Variants in PGBD5 observed in about 807,000 individuals in gnomAD.
PGBD5 encodes the protein piggyBac transposable element-derived protein 5.
PGBD5 carries 14 observed loss-of-function variants against 47.9 expected under a neutral mutation model. That is an observed-to-expected ratio of 0.29 (90% CI 0.19 to 0.46). The LOEUF (loss-of-function observed/expected upper bound fraction) is 0.46. PGBD5 is among the 20% of genes least tolerant of loss of function. PGBD5 has a pLI of 1.00. For missense variants in PGBD5, 635 were observed against 716.0 expected (o/e 0.89, Z 1.29); for synonymous variants, 316 against 306.3 (o/e 1.03, Z -0.33).
At chr1:230,339,016 C>A (rs1025326046) in intron 3 of PGBD5, among the ~76,000 whole-genome samples, 19 of 152,118 alleles carry the variant, frequency 1.2e-4, no homozygotes, top group Admixed American at 4.6e-4. Context: ...TCATCAACAC[C>A]CACATTACTG....
At chr1:230,379,685 G>A (rs1315622858) in intron 1 of PGBD5, among the ~76,000 whole-genome samples, 1 of 152,152 alleles carries the variant, frequency 6.6e-6, no homozygotes, top group Non-Finnish European at 1.5e-5. Flanking sequence ...TAGCCTGTTG[G>A]CACCCCAGAG....
chr1:230,327,689 A>C (rs971788988), intron 5 of PGBD5, among the ~76,000 whole-genome samples: 1 of 152,218 alleles, frequency 6.6e-6, no homozygotes, highest in African/African-American at 2.4e-5. Context: ...GGGAGCCTGC[A>C]GAGGGGGCGT....
chr1:230,404,309 T>C (rs1420378388), intron 1 of PGBD5, among the ~76,000 whole-genome samples: 3 of 151,872 alleles, frequency 2.0e-5, no homozygotes, highest in Non-Finnish European at 4.4e-5. Flanking sequence ...GGAGACCCCA[T>C]CTCTACAAAT....
At chr1:230,403,875 G>A (rs1443592322) in intron 1 of PGBD5, among the ~76,000 whole-genome samples, 1 of 152,158 alleles carries the variant, frequency 6.6e-6, no homozygotes, top group African/African-American at 2.4e-5. Context: ...CCCAGAAAGA[G>A]GGAGCTACTG....
At chr1:230,393,979 T>G (rs1656858030) in intron 1 of PGBD5, among the ~76,000 whole-genome samples, 1 of 152,082 alleles carries the variant, frequency 6.6e-6, no homozygotes, top group South Asian at 2.1e-4. Flanking sequence ...CTTCCAGCTC[T>G]CCCACTCTTC....
At chr1:230,408,880 T>G (rs1657352369) in intron 1 of PGBD5, among the ~76,000 whole-genome samples, 1 of 152,152 alleles carries the variant, frequency 6.6e-6, no homozygotes. Context: ...GTACAACTTT[T>G]GTGCTTCCAA....
chr1:230,326,418 T>A (rs1667118684), intron 5 of PGBD5, among the ~76,000 whole-genome samples: 1 of 152,160 alleles, frequency 6.6e-6, no homozygotes, highest in African/African-American at 2.4e-5. Context: ...AAACTCCATC[T>A]CAAAATGAAA....
At chr1:230,379,868 C>T (rs1442301130) in intron 1 of PGBD5, among the ~76,000 whole-genome samples, 2 of 152,242 alleles carry the variant, frequency 1.3e-5, no homozygotes, top group African/African-American at 2.4e-5. Flanking sequence ...ATCATCATCC[C>T]CATTTTACAG....
At chr1:230,344,356 A>C (rs1235457915) in intron 3 of PGBD5, among the ~76,000 whole-genome samples, 1 of 152,074 alleles carries the variant, frequency 6.6e-6, no homozygotes, top group African/African-American at 2.4e-5. Context: ...TGCTTTGTAG[A>C]TCTAATTTTA....
intron 5 of PGBD5, among the ~76,000 whole-genome samples, chr1:230,326,858 C>T (rs72763858): frequency 0.016 from 2,446 of 152,250 alleles, 30 homozygotes; most frequent in Non-Finnish European, 0.024. Flanking sequence ...CATGCCTCCT[C>T]GAACTTTGGG....
intron 1 of PGBD5, among the ~76,000 whole-genome samples, chr1:230,419,855 G>A (rs1022349551): frequency 3.3e-5 from 5 of 152,194 alleles, no homozygotes; most frequent in African/African-American, 7.2e-5. Context: ...GCCAGGCGTG[G>A]TTGCTCACAC....
chr1:230,397,736 C>G (rs952312905), intron 1 of PGBD5, among the ~76,000 whole-genome samples: 2 of 152,248 alleles, frequency 1.3e-5, no homozygotes, highest in Admixed American at 1.3e-4. Flanking sequence ...CTCAAACACA[C>G]AGCGAAGTCA....
At chr1:230,355,384 T>C (rs933267204) in intron 2 of PGBD5, among the ~76,000 whole-genome samples, 10 of 152,220 alleles carry the variant, frequency 6.6e-5, no homozygotes, top group African/African-American at 2.2e-4. Context: ...TCTTGAGAGA[T>C]ACTTAGGCAC....
chr1:230,348,745 G>A (rs1667515069), intron 3 of PGBD5, among the ~76,000 whole-genome samples: 1 of 152,190 alleles, frequency 6.6e-6, no homozygotes, highest in African/African-American at 2.4e-5. Flanking sequence ...TCCCTGCGCT[G>A]TGCCTGCCAC....
chr1:230,377,682 C>G (rs565561603), intron 1 of PGBD5: 497 of 1,445,894 alleles, frequency 3.4e-4, no homozygotes, highest in Admixed American at 1.3e-3. Context: ...CCTTCATTTC[C>G]CCATCTGTAA....
intron 1 of PGBD5, among the ~76,000 whole-genome samples, chr1:230,364,851 C>T (rs961575518): frequency 6.0e-5 from 9 of 150,942 alleles, no homozygotes; most frequent in African/African-American, 2.2e-4. Context: ...TGAAACCCTG[C>T]CTGCAATAAA....
rs1194862999 is a variant in PGBD5 at position 230,321,310 on chromosome 1, G to C, written c.*2115C>G. ...CAGATTATATAACAAAAAAAATCAA[G>C]TATTTAAAAGAGTAGCCTGTATTTT... On this transcript the variant is annotated 3_prime_UTR_variant, in exon 7 of 7. Transcript: ENST00000391860. The C allele has an allele frequency of 1.3e-5, 2 of 152,250 alleles. No individual in the cohort carries two copies. The highest frequency in any genetic ancestry group is 3.9e-4 in the East Asian group (2 of 5,192). The allele number at this position is 152,250 out of a possible 1,614,324, so 9.4% of individuals were successfully genotyped here.
intron 3 of PGBD5, among the ~76,000 whole-genome samples, chr1:230,340,397 A>C (rs1042691200): frequency 1.3e-5 from 2 of 152,324 alleles, no homozygotes; most frequent in Admixed American, 1.3e-4. Flanking sequence ...GTTTAATAAC[A>C]TAGAAAATGT....
At chr1:230,371,450 A>G (rs1171321418) in intron 1 of PGBD5, among the ~76,000 whole-genome samples, 3 of 152,174 alleles carry the variant, frequency 2.0e-5, no homozygotes, top group Non-Finnish European at 4.4e-5. Context: ...GCTACTAAGA[A>G]ACACCTATTC....
Sources: gnomAD v4.1 joint callset for allele counts (sites outside exome capture counted in the v4.1 genomes callset) on GRCh38, gnomAD v4.1.1 for gene constraint, MANE v1.5 for transcripts, NCBI Gene and HGNC (gene_info 2026-07-23, HGNC 2026-07-21) for gene names.